PTPRG: variants seen among roughly 807,000 people sequenced by gnomAD.
PTPRG encodes receptor-type tyrosine-protein phosphatase gamma.
In PTPRG, 102 loss-of-function variants were observed where a neutral mutation model predicts 165.3. The observed-to-expected ratio is 0.62, with a 90% CI of 0.53 to 0.73. The LOEUF is 0.73. Among genes scored for constraint, PTPRG ranks in the 30% least tolerant of loss-of-function variants. PTPRG has a pLI of 0.00. For missense variants in PTPRG, 1,866 were observed against 1,861.4 expected (o/e 1.00, Z -0.05); for synonymous variants, 675 against 669.5 (o/e 1.01, Z -0.13).
chr3:61,569,326 G>A (rs1700000258), intron 1 of PTPRG, among the ~76,000 whole-genome samples: 1 of 152,102 alleles, frequency 6.6e-6, no homozygotes, highest in South Asian at 2.1e-4. Context: ...CCCTCTCTGT[G>A]CCTCATTATT....
rs1350292124 is a variant in PTPRG at position 62,157,170 on chromosome 3, C to T, written c.786C>T (p.Ser262=). 12 of 1,613,934 alleles carry T rather than the reference C, an allele frequency of 7.4e-6. No homozygotes were observed. In the South Asian group the frequency reaches 8.8e-5, roughly 12 times the overall value. ...YTGSLTTPPC[S]EIVEWIVFRR... ...GTTCCTTGACCACACCACCGTGTAG[C>T]GAAATAGTGGAGTGGATAGTCTTCC... is the stretch of plus-strand genomic sequence containing the variant. The change falls in exon 7 of 30, where the codon AGC becomes AGT. Residue 262 remains serine, a synonymous_variant. Coordinates refer to ENST00000474889, the MANE Select transcript of PTPRG (RefSeq NM_002841.4).
intron 5 of PTPRG, among the ~76,000 whole-genome samples, chr3:62,089,255 C>G (rs942603543): frequency 2.6e-5 from 4 of 152,214 alleles, no homozygotes; most frequent in African/African-American, 9.6e-5. Context: ...CTGCACAGAT[C>G]TTTCTGATTT....
At chr3:61,794,008 C>T (rs1475205266) in intron 2 of PTPRG, among the ~76,000 whole-genome samples, 1 of 152,202 alleles carries the variant, frequency 6.6e-6, no homozygotes. Context: ...GAGGAAGTGA[C>T]ATCCCTGGAA....
chr3:62,177,623 A>C lies in PTPRG; in HGVS notation c.1033+9460A>C, dbSNP rs560860720. Among the ~76,000 whole-genome samples, 4 of 148,810 alleles carry C rather than the reference A, an allele frequency of 2.7e-5. No homozygotes were observed. In the East Asian group the frequency reaches 5.8e-4, roughly 22 times the overall value. ...CACATCAAGTCCTGTCCCCCTCTCC[A>C]GCCCCGTCTTGTACTTTCCTTCCCT... On this transcript the variant is annotated intron_variant, in intron 8 of 29. Transcript: ENST00000474889.
chr3:61,735,572 A>C (rs911252467), intron 1 of PTPRG, among the ~76,000 whole-genome samples: 1 of 149,796 alleles, frequency 6.7e-6, no homozygotes, highest in African/African-American at 2.5e-5. Flanking sequence ...ACAGGCCTAC[A>C]TTGATTGAAT....
intron 1 of PTPRG, among the ~76,000 whole-genome samples, chr3:61,669,200 T>A (rs1038107178): frequency 2.6e-5 from 4 of 152,184 alleles, no homozygotes; most frequent in Non-Finnish European, 5.9e-5. Context: ...ATAAAAAGTA[T>A]GAGCAGAAGT....
At chr3:61,681,075 A>AAAAAAAAAAAAAAAAAG (rs999333286) in intron 1 of PTPRG, among the ~76,000 whole-genome samples, 2 of 150,212 alleles carry the variant, frequency 1.3e-5, no homozygotes, top group African/African-American at 4.9e-5. Context: ...AAAAAAAAAA[A>AAAAAAAAAAAAAAAAAG]AAGAAGAAGA....
intron 4 of PTPRG, among the ~76,000 whole-genome samples, chr3:62,065,109 T>G (rs1700967849): frequency 6.6e-6 from 1 of 152,166 alleles, no homozygotes; most frequent in Non-Finnish European, 1.5e-5. Context: ...AATCCAGTGT[T>G]ACGAATGGTA....
chr3:61,928,491 A>G (rs1031764299), intron 2 of PTPRG, among the ~76,000 whole-genome samples: 2 of 152,178 alleles, frequency 1.3e-5, no homozygotes, highest in Non-Finnish European at 2.9e-5. Context: ...AGTCATAGCA[A>G]TTGTCAGACT....
At chr3:62,112,046 T>A (rs919838134) in intron 5 of PTPRG, among the ~76,000 whole-genome samples, 4 of 152,092 alleles carry the variant, frequency 2.6e-5, no homozygotes. Context: ...GTGGCTTGGG[T>A]TGTACCAGAA....
chr3:62,261,139 G>A (rs1170762245), intron 16 of PTPRG: 2 of 152,108 alleles, frequency 1.3e-5, no homozygotes, highest in Non-Finnish European at 2.9e-5. Flanking sequence ...GTAAATCTCA[G>A]ACTAAGGTAC....
rs566544726 is a variant in PTPRG at position 61,617,141 on chromosome 3, C to T, written c.85+54769C>T. Among the ~76,000 whole-genome samples the T allele has an allele frequency of 4.6e-5, 7 of 152,336 alleles. No individual in the cohort carries two copies. In the South Asian group the frequency reaches 1.2e-3, roughly 27 times the overall value. The stretch of plus-strand genomic sequence containing the variant: ...TTAAGCTACCAACTGAAACAAGTCA[C>T]ATGGTCAAGCTCCAAGTCAAGGGAC... On this transcript the variant is annotated intron_variant, in intron 1 of 29. Transcript: ENST00000474889.
intron 1 of PTPRG, among the ~76,000 whole-genome samples, chr3:61,650,924 T>C (rs968207949): frequency 9.9e-5 from 15 of 152,212 alleles, no homozygotes; most frequent in Non-Finnish European, 1.5e-5. Flanking sequence ...AGGAATCCTA[T>C]TTACATGTGA....
chr3:62,141,938 G>A (rs185177183), intron 6 of PTPRG, among the ~76,000 whole-genome samples: 137 of 151,642 alleles, frequency 9.0e-4, no homozygotes, highest in Middle Eastern at 3.4e-3. Flanking sequence ...GTTTGTGGTG[G>A]TGATTTTCCT....
intron 1 of PTPRG, among the ~76,000 whole-genome samples, chr3:61,647,566 G>A (rs939711057): frequency 3.9e-5 from 6 of 152,032 alleles, no homozygotes; most frequent in African/African-American, 1.2e-4. Flanking sequence ...CGAGGCGGGC[G>A]GATCACGAAG....
At position 62,293,850 on chromosome 3, in the gene PTPRG, A is replaced by G. The variant is rs961099970; in HGVS notation, c.*543A>G. On this transcript the variant is annotated 3_prime_UTR_variant, in exon 30 of 30. Transcript: ENST00000474889. ...CTACTGGGACCTAAAAAGGTCTGTT[A>G]ATGTCATGGCCTTGAAACAGTTCCA... The G allele has an allele frequency of 6.6e-6, 1 of 152,514 alleles. No individual in the cohort carries two copies. Among genetic ancestry groups the G allele is most frequent in the East Asian group, 1.9e-4 (1 of 5,182 alleles). The allele number at this position is 152,514 out of a possible 1,614,324, so 9.4% of individuals were successfully genotyped here.
intron 15 of PTPRG, among the ~76,000 whole-genome samples, chr3:62,247,604 A>G (rs899672794): frequency 6.6e-6 from 1 of 152,066 alleles, no homozygotes; most frequent in Non-Finnish European, 1.5e-5. Context: ...TTCCTGAGAG[A>G]AAGACTCAAC....
Position 61,921,044 on chromosome 3 carries a change from T to C in PTPRG, c.191-68581T>C, listed in dbSNP as rs116702119. ...TCTCAGCAAACCGTGAGGGTCTTGTTATAATAAAATTAACAATTAATTACT... is the reference window on the plus strand; with the variant it reads ...TCTCAGCAAACCGTGAGGGTCTTGTCATAATAAAATTAACAATTAATTACT... On this transcript the variant is annotated intron_variant, in intron 2 of 29. Transcript: ENST00000474889. Among the ~76,000 whole-genome samples the C allele has an allele frequency of 6.3e-3, 955 of 152,020 alleles. 6 individuals carry two copies. The highest frequency in any genetic ancestry group is 0.022 in the African/African-American group (890 of 41,352).
At chr3:61,655,607 A>AT (rs537699576) in intron 1 of PTPRG, among the ~76,000 whole-genome samples, 1 of 151,964 alleles carries the variant, frequency 6.6e-6, no homozygotes, top group East Asian at 1.9e-4. Context: ...TTTACTTTGT[A>AT]TTTTTTTAGA....
Sources: allele counts gnomAD v4.1 joint callset (sites outside exome capture counted in the v4.1 genomes callset), GRCh38; gene constraint gnomAD v4.1.1; transcripts MANE v1.5; gene names NCBI Gene and HGNC (gene_info 2026-07-23, HGNC 2026-07-21).